DLC1: variants seen among roughly 807,000 people sequenced by gnomAD.
The protein encoded by DLC1 is rho GTPase-activating protein 7.
Under a neutral mutation model 140.3 loss-of-function variants are expected in DLC1, and 54 were observed. That is an observed-to-expected ratio of 0.38 (90% CI 0.31 to 0.48). The LOEUF is 0.48. DLC1 is among the 20% of genes least tolerant of loss of function. The probability of loss-of-function intolerance (pLI) is 0.96; values close to 1 mark genes in which losing one functional copy is unlikely to be tolerated. For missense variants in DLC1, 2,536 were observed against 1,907.0 expected (o/e 1.33, Z -6.14); for synonymous variants, 986 against 728.1 (o/e 1.35, Z -5.70).
chr8:13,480,444 T>C (rs1800676288), intron 2 of DLC1, among the ~76,000 whole-genome samples: 1 of 152,190 alleles, frequency 6.6e-6, no homozygotes, highest in Admixed American at 6.5e-5. Flanking sequence ...GTTGATCTTT[T>C]AAAGATAGAC....
chr8:13,128,323 A>G lies in DLC1; in HGVS notation c.1349-12666T>C, dbSNP rs1365979740. ...CCAGAGTTTTAGAAAATGGTATCCC[A>G]GAACACTCCCCCAAATGTTAAAGAC... On this transcript the variant is annotated intron_variant, in intron 5 of 17. Transcript: ENST00000276297. 3.3e-5 allele frequency among the ~76,000 whole-genome samples: 5 copies of G among 152,308 alleles called. No homozygotes were observed. The East Asian group carries it at 5.8e-4, about 18-fold the overall frequency.
At position 13,085,942 on chromosome 8, in the gene DLC1, A is replaced by C. The variant is rs1246417032; in HGVS notation, c.4467-11T>G. ...TCTGGCATGTGGCCCCTATCAGAGA[A>C]AAGAAAGAAAAGCTGATGAATTATT... On this transcript the variant is annotated splice_polypyrimidine_tract_variant and intron_variant, in intron 17 of 17. Transcript: ENST00000276297. 1.2e-6 allele frequency: 2 copies of C among 1,610,848 alleles called. No homozygotes were observed. The highest frequency in any genetic ancestry group is 2.7e-5 in the African/African-American group (2 of 74,656).
At chr8:13,507,805 A>C (rs1802167810) in intron 1 of DLC1, among the ~76,000 whole-genome samples, 2 of 152,212 alleles carry the variant, frequency 1.3e-5, no homozygotes, top group Non-Finnish European at 2.9e-5. Context: ...AGAATAAGTC[A>C]TCTATAATGA....
At chr8:13,473,721 C>G (rs1332075518) in intron 2 of DLC1, among the ~76,000 whole-genome samples, 1 of 152,078 alleles carries the variant, frequency 6.6e-6, no homozygotes, top group Non-Finnish European at 1.5e-5. Flanking sequence ...GGAACTGGAA[C>G]AAAGGTGACT....
chr8:13,587,237 G>T lies in DLC1; in HGVS notation c.-126+17300C>A, dbSNP rs767651320. Among the ~76,000 whole-genome samples the T allele has an allele frequency of 8.2e-4, 124 of 151,724 alleles. 1 individual carries two copies. The highest frequency in any genetic ancestry group is 1.4e-3 in the Non-Finnish European group (94 of 67,896). ...TAGATGAACCCCTCACATTTGAAGA[G>T]AGTGATTATTCTGTCTTTTAAAGGG... On this transcript the variant is annotated intron_variant, in intron 1 of 1. Transcript: ENST00000631382.
At chr8:13,146,182 G>A (rs1823422851) in intron 5 of DLC1, among the ~76,000 whole-genome samples, 1 of 151,900 alleles carries the variant, frequency 6.6e-6, no homozygotes, top group Admixed American at 6.6e-5. Flanking sequence ...GGCTGAGGCA[G>A]GAGAATCACT....
intron 4 of DLC1, among the ~76,000 whole-genome samples, chr8:13,318,877 A>G (rs901558895): frequency 1.3e-5 from 2 of 152,226 alleles, no homozygotes; most frequent in Non-Finnish European, 2.9e-5. Flanking sequence ...GAGAAATCAT[A>G]GTTTTTATGA....
intron 4 of DLC1, among the ~76,000 whole-genome samples, chr8:13,367,115 G>T (rs1835521662): frequency 6.6e-6 from 1 of 152,122 alleles, no homozygotes. Context: ...CAGTGTATTT[G>T]TGTCTCTCTC....
chr8:13,243,101 C>T (rs978690221), intron 5 of DLC1, among the ~76,000 whole-genome samples: 7 of 150,244 alleles, frequency 4.7e-5, no homozygotes, highest in African/African-American at 1.5e-4. Context: ...ACCACCCTGG[C>T]CAACATGGCA....
At chr8:13,276,284 G>A (rs1180079700) in intron 5 of DLC1, 1 of 1,535,536 alleles carries the variant, frequency 6.5e-7, no homozygotes, top group Non-Finnish European at 8.7e-7. Context: ...TGTCTCTAGT[G>A]TTTTTCCAAA....
At chr8:13,218,139 A>G (rs79035064) in intron 5 of DLC1, among the ~76,000 whole-genome samples, 5,123 of 152,258 alleles carry the variant, frequency 0.034, 293 homozygotes, top group African/African-American at 0.12. Context: ...TGGGTGATGG[A>G]AAGAACAGTC....
At chr8:13,458,027 A>G (rs886152726) in intron 2 of DLC1, among the ~76,000 whole-genome samples, 6 of 152,220 alleles carry the variant, frequency 3.9e-5, no homozygotes, top group African/African-American at 1.2e-4. Flanking sequence ...CAGTAAATTA[A>G]TAATTGAAAA....
chr8:13,160,806 C>T (rs1343821961), intron 5 of DLC1, among the ~76,000 whole-genome samples: 1 of 152,176 alleles, frequency 6.6e-6, no homozygotes, highest in African/African-American at 2.4e-5. Context: ...GAAGGTGGAG[C>T]CGGGCGTGGT....
chr8:13,594,469 A>G (rs988052456), intron 1 of DLC1, among the ~76,000 whole-genome samples: 2 of 151,986 alleles, frequency 1.3e-5, no homozygotes, highest in Admixed American at 6.6e-5. Flanking sequence ...ATTCTCCCAC[A>G]TTGCTTTCGT....
chr8:13,147,669 A>AT (rs1823532649), intron 5 of DLC1, among the ~76,000 whole-genome samples: 1 of 151,822 alleles, frequency 6.6e-6, no homozygotes. Context: ...ACTTATTATT[A>AT]TTATTTTTTT....
At chr8:13,205,310 T>C (rs1000455155) in intron 5 of DLC1, among the ~76,000 whole-genome samples, 1 of 151,358 alleles carries the variant, frequency 6.6e-6, no homozygotes. Flanking sequence ...CTTCTATTTA[T>C]ATCATTTTTT....
intron 1 of DLC1, among the ~76,000 whole-genome samples, chr8:13,533,495 G>T (rs1045105197): frequency 3.9e-5 from 6 of 152,162 alleles, no homozygotes; most frequent in African/African-American, 4.8e-5. Flanking sequence ...GTAGCATGTT[G>T]TAATTTTCAT....
intron 4 of DLC1, among the ~76,000 whole-genome samples, chr8:13,347,046 C>A (rs1240451785): frequency 2.0e-5 from 3 of 152,096 alleles, no homozygotes; most frequent in Non-Finnish European, 4.4e-5. Flanking sequence ...TCTTGCTGTG[C>A]CTAATTATAA....
At chr8:13,302,834 C>A (rs1042818371) in intron 5 of DLC1, among the ~76,000 whole-genome samples, 13 of 151,188 alleles carry the variant, frequency 8.6e-5, no homozygotes, top group Non-Finnish European at 1.5e-4. Flanking sequence ...CTCTGTCTAG[C>A]GGAAGCTTAC....
Sources: gnomAD v4.1 joint callset for allele counts (sites outside exome capture counted in the v4.1 genomes callset) on GRCh38, gnomAD v4.1.1 for gene constraint, MANE v1.5 for transcripts, NCBI Gene and HGNC (gene_info 2026-07-23, HGNC 2026-07-21) for gene names.